Variants in SECISBP2 observed in about 807,000 individuals in gnomAD.
The protein encoded by SECISBP2 is SECIS binding protein 2, also known as selenocysteine insertion sequence-binding protein 2.
Under a neutral mutation model 98.2 loss-of-function variants are expected in SECISBP2, and 96 were observed. The ratio of observed to expected loss-of-function variants is 0.98; its 90% CI spans 0.83 to 1.16. The LOEUF is 1.16. Ranked by LOEUF, SECISBP2 falls within the 50% of genes most tolerant of loss-of-function variation. SECISBP2 has a pLI of 0.00. For synonymous variants in SECISBP2, 407 were observed against 370.2 expected (o/e 1.10, Z -1.14); for missense variants, 1,046 against 1,022.9 (o/e 1.02, Z -0.31).
intron 2 of SECISBP2, among the ~76,000 whole-genome samples, chr9:89,321,605 G>A (rs1193105355): frequency 2.0e-5 from 3 of 152,064 alleles, no homozygotes; most frequent in Non-Finnish European, 4.4e-5. Flanking sequence ...GATGGAGGTT[G>A]CAGTGAGCCA....
At chr9:89,362,468 G>T (rs1338545503), downstream of SECISBP2, 2 of 1,613,868 alleles carry the variant, frequency 1.2e-6, no homozygotes, top group Admixed American at 1.7e-5. Context: ...TGGTGGAACG[G>T]ATGGGCCTTT....
At chr9:89,340,882 A>G (rs77755710) in intron 9 of SECISBP2, among the ~76,000 whole-genome samples, 11,592 of 152,278 alleles carry the variant, frequency 0.076, 583 homozygotes, top group Middle Eastern at 0.19. Flanking sequence ...TGCATTTAAT[A>G]TTATTTGCTG....
chr9:89,338,886 G>GTCTT (rs1554721253), intron 8 of SECISBP2, among the ~76,000 whole-genome samples: 1 of 140,748 alleles, frequency 7.1e-6, no homozygotes. Flanking sequence ...TTCTTTACCT[G>GTCTT]TTTTTTTTTT....
At chr9:89,327,945 G>C (rs531302570) in intron 4 of SECISBP2, among the ~76,000 whole-genome samples, 1 of 152,080 alleles carries the variant, frequency 6.6e-6, no homozygotes, top group South Asian at 2.1e-4. Flanking sequence ...CAAGTAGCTA[G>C]GGGGCATGCG....
intron 12 of SECISBP2, 121 bp from the exon 13 acceptor site, chr9:89,349,655 C>G (rs1411243590): frequency 9.5e-7 from 1 of 1,048,888 alleles, no homozygotes; most frequent in Non-Finnish European, 1.5e-6. Flanking sequence ...TGCATGTTGT[C>G]TGTGAATGTG....
chr9:89,355,168 C>T (rs1296731646), intron 14 of SECISBP2: 2 of 985,302 alleles, frequency 2.0e-6, no homozygotes, highest in Non-Finnish European at 2.4e-6. Context: ...TGGAGAAGTT[C>T]TTCTCTTGAA....
intron 1 of SECISBP2, 115 bp downstream of exon 1, chr9:89,318,727 A>T: frequency 8.0e-7 from 1 of 1,246,260 alleles, no homozygotes; most frequent in Non-Finnish European, 1.0e-6. Flanking sequence ...GATGCTGGTG[A>T]CGGCACGGGA....
intron 2 of SECISBP2, chr9:89,322,442 C>A (rs1825971424): frequency 6.6e-6 from 1 of 152,194 alleles, no homozygotes. Flanking sequence ...TTCATAGTTA[C>A]TACAATCCAT....
chr9:89,347,188 C>A, intron 11 of SECISBP2, 140 bp downstream of exon 11: 1 of 865,100 alleles, frequency 1.2e-6, no homozygotes, highest in Non-Finnish European at 1.9e-6. Context: ...GTTAATGATA[C>A]TCCAACAAAT....
At chr9:89,349,585 C>T (rs1310476464) in intron 12 of SECISBP2, among the ~76,000 whole-genome samples, 191 bp from the exon 13 acceptor site, 1 of 152,196 alleles carries the variant, frequency 6.6e-6, no homozygotes, top group Non-Finnish European at 1.5e-5. Flanking sequence ...CTGCCTCCAC[C>T]AGCTTTTCTG....
At chr9:89,348,284 G>A (rs1333783913) in intron 12 of SECISBP2, 70 bp downstream of exon 12, 10 of 1,571,730 alleles carry the variant, frequency 6.4e-6, no homozygotes, top group Non-Finnish European at 8.8e-6. Flanking sequence ...GAGCTATGCT[G>A]AGCAAACTCT....
chr9:89,335,277 A>G (rs778624587), intron 7 of SECISBP2, among the ~76,000 whole-genome samples: 14 of 152,138 alleles, frequency 9.2e-5, no homozygotes, highest in South Asian at 4.1e-4. Context: ...ATCATAAAAA[A>G]AGATTAGGGA....
intron 12 of SECISBP2, among the ~76,000 whole-genome samples, chr9:89,349,548 T>C (rs184038976): frequency 2.6e-5 from 4 of 152,312 alleles, no homozygotes; most frequent in Admixed American, 6.5e-5. Flanking sequence ...ATAAGTAAAT[T>C]GAGGGGAGGC....
Position 89,319,794 on chromosome 9 carries a change from C to CA in SECISBP2, c.180dup (p.Glu61ArgfsTer7), listed in dbSNP as rs1334076675. 11 of 1,613,882 alleles carry CA rather than the reference C, an allele frequency of 6.8e-6. No individual in the cohort carries two copies. Among genetic ancestry groups the CA allele is most frequent in the Admixed American group, 1.7e-5 (1 of 60,002 alleles). ...CCGTTTGTTCAGGAACCACCAGTGACAGAGTATGTATCTTTCTAAAAGTCT... is the reference window on the plus strand; with the variant it reads ...CCGTTTGTTCAGGAACCACCAGTGACAAGAGTATGTATCTTTCTAAAAGTCT... On this transcript the variant is annotated frameshift_variant, in exon 2 of 17. Transcript: ENST00000375807. LOFTEE classifies it high-confidence loss of function.
intron 14 of SECISBP2, chr9:89,355,057 A>G: frequency 1.0e-6 from 1 of 985,380 alleles, no homozygotes; most frequent in Non-Finnish European, 1.2e-6. Context: ...GATCAGGGGC[A>G]GGGTGTGGGC....
chr9:89,362,911 A>G (rs1832927439), downstream of SECISBP2, among the ~76,000 whole-genome samples: 1 of 152,086 alleles, frequency 6.6e-6, no homozygotes, highest in Non-Finnish European at 1.5e-5. Flanking sequence ...GTGGGGAGAC[A>G]GGGAGCCTCT....
intron 2 of SECISBP2, chr9:89,323,836 A>G (rs1826216804): frequency 6.6e-6 from 1 of 152,248 alleles, no homozygotes; most frequent in African/African-American, 2.4e-5. Flanking sequence ...GAAAATACCA[A>G]CTTTCCAGAG....
downstream of SECISBP2, chr9:89,362,208 C>T: frequency 3.6e-6 from 3 of 835,848 alleles, no homozygotes; most frequent in Non-Finnish European, 5.8e-6. Flanking sequence ...TGTCACAGGC[C>T]CACTTGGGTT....
rs917933010 is a variant in SECISBP2, at chr9:89,354,834, AGAGAGATGCATCT to A, written c.2114-2574_2114-2562del. The A allele has an allele frequency of 5.1e-5, 50 of 985,422 alleles. No individual in the cohort carries two copies. In the African/African-American group the frequency reaches 8.7e-4, roughly 17 times the overall value. The allele number at this position is 985,422 out of a possible 1,614,324, so 61.0% of individuals were successfully genotyped here. ...GACACCAGGCAGAGACCCTCCAGTG[AGAGAGATGCATCT>A]GATGTTACGGGGGACTTCATATGTC... On this transcript the variant is annotated intron_variant, in intron 14 of 16. Transcript: ENST00000375807.
Sources: gnomAD v4.1 joint callset for allele counts (sites outside exome capture counted in the v4.1 genomes callset) on GRCh38, gnomAD v4.1.1 for gene constraint, MANE v1.5 for transcripts, NCBI Gene and HGNC (gene_info 2026-07-23, HGNC 2026-07-21) for gene names.